WWOX: variants seen among roughly 807,000 people sequenced by gnomAD.
WWOX encodes the protein WW domain containing oxidoreductase, also known as WW domain-containing oxidoreductase.
WWOX carries 69 observed loss-of-function variants against 46.2 expected under a neutral mutation model. The ratio of observed to expected loss-of-function variants is 1.49; its 90% CI spans 1.23 to 1.82. WWOX has a LOEUF of 1.82. WWOX is among the 40% of genes most tolerant of loss of function. The pLI is 0.00. For missense variants in WWOX, 919 were observed against 542.6 expected (o/e 1.69, Z -6.89); for synonymous variants, 359 against 202.6 (o/e 1.77, Z -6.56).
chr16:78,422,686 C>T (rs201664798), intron 6 of WWOX, among the ~76,000 whole-genome samples: 10,375 of 23,330 alleles, frequency 0.44, 1,740 homozygotes, highest in African/African-American at 0.54. Context: ...TATATATATA[C>T]ACACACACAC....
chr16:78,248,699 G>A (rs536677271), intron 5 of WWOX, among the ~76,000 whole-genome samples: 57 of 152,082 alleles, frequency 3.7e-4, no homozygotes, highest in African/African-American at 1.3e-3. Flanking sequence ...TCGCACCACT[G>A]TACTCCAGCC....
intron 8 of WWOX, among the ~76,000 whole-genome samples, chr16:78,442,455 C>T (rs935172068): frequency 1.3e-5 from 2 of 152,130 alleles, no homozygotes; most frequent in Non-Finnish European, 2.9e-5. Flanking sequence ...TCCCACTTCC[C>T]CACTACCAGC....
At chr16:79,104,858 G>T (rs4888927) in intron 8 of WWOX, among the ~76,000 whole-genome samples, 3 of 151,836 alleles carry the variant, frequency 2.0e-5, no homozygotes, top group Admixed American at 6.6e-5. Context: ...TTGACCAAAG[G>T]TGTCCAAACC....
intron 5 of WWOX, among the ~76,000 whole-genome samples, chr16:78,196,487 G>T (rs1384964988): frequency 6.6e-6 from 1 of 152,142 alleles, no homozygotes; most frequent in African/African-American, 2.4e-5. Flanking sequence ...ATGCAAATAA[G>T]CTACTTTGTA....
intron 8 of WWOX, among the ~76,000 whole-genome samples, chr16:78,954,471 A>G (rs1199705317): frequency 1.3e-5 from 2 of 152,192 alleles, no homozygotes; most frequent in South Asian, 4.1e-4. Flanking sequence ...AAACTTTTAT[A>G]TTTTACTAAA....
chr16:78,355,680 T>A, intron 5 of WWOX: 1 of 735,578 alleles, frequency 1.4e-6, no homozygotes. Flanking sequence ...CATTTAAATA[T>A]GATCTTGGGA....
At chr16:78,425,174 T>C in intron 7 of WWOX, 119 bp downstream of exon 7, 1 of 1,336,172 alleles carries the variant, frequency 7.5e-7, no homozygotes, top group East Asian at 2.4e-5. Flanking sequence ...GTGGGTGGAC[T>C]CAGCTTGGCT....
intron 8 of WWOX, among the ~76,000 whole-genome samples, chr16:79,070,765 C>A (rs530425251): frequency 6.6e-6 from 1 of 152,298 alleles, no homozygotes; most frequent in East Asian, 1.9e-4. Context: ...CCTCTTTTAA[C>A]ATTTGATTTG....
At chr16:79,202,764 G>C (rs1290222158) in intron 8 of WWOX, 1 of 152,124 alleles carries the variant, frequency 6.6e-6, no homozygotes, top group East Asian at 1.9e-4. Context: ...TGCATAGCTT[G>C]TTAGTATTTA....
intron 8 of WWOX, among the ~76,000 whole-genome samples, chr16:79,012,827 C>G (rs1002053316): frequency 1.3e-5 from 2 of 152,226 alleles, no homozygotes; most frequent in African/African-American, 4.8e-5. Context: ...GACTCCTGCC[C>G]CACCAACATG....
At position 78,676,801 on chromosome 16, in the gene WWOX, C is replaced by A. The variant is rs189543588; in HGVS notation, c.1056+244049C>A. Among the ~76,000 whole-genome samples the A allele has an allele frequency of 5.4e-4, 82 of 152,228 alleles. 2 individuals are homozygous for A. In the East Asian group the frequency reaches 7.3e-3, roughly 14 times the overall value. ...AAGTGCTTTGCTCATTCTTTGAATA[C>A]TGATGAACTTTACCTTGATAGGACC... is the stretch of plus-strand genomic sequence containing the variant. On this transcript the variant is annotated intron_variant, in intron 8 of 8. Coordinates refer to ENST00000566780, the MANE Select transcript of WWOX (RefSeq NM_016373.4).
chr16:78,835,921 A>G (rs967034166), intron 8 of WWOX, among the ~76,000 whole-genome samples: 1 of 152,202 alleles, frequency 6.6e-6, no homozygotes, highest in East Asian at 1.9e-4. Context: ...ATCCTCAGAT[A>G]TATTTGAGAC....
At chr16:78,656,629 C>A (rs2047087350) in intron 8 of WWOX, among the ~76,000 whole-genome samples, 1 of 152,120 alleles carries the variant, frequency 6.6e-6, no homozygotes, top group South Asian at 2.1e-4. Flanking sequence ...TCTGATCCAA[C>A]CACCTCCCAC....
In WWOX at chr16:78,856,513, C is replaced by T. The variant is rs535953152; in HGVS notation, c.1057-355095C>T. On this transcript the variant is annotated intron_variant, in intron 8 of 8. Transcript: ENST00000566780. Reference sequence around the variant, plus strand: ...CAAAAATCAGCTGGTTGTGGTGGTACACCCCTGTAATAGCAGCTACTCAGG... The same window carrying T: ...CAAAAATCAGCTGGTTGTGGTGGTATACCCCTGTAATAGCAGCTACTCAGG... Among the ~76,000 whole-genome samples, 4 of 152,192 alleles carry T rather than the reference C, an allele frequency of 2.6e-5. No homozygotes were observed. In the South Asian group the frequency reaches 8.3e-4, roughly 32 times the overall value.
chr16:78,797,653 T>G (rs145879631), intron 8 of WWOX, among the ~76,000 whole-genome samples: 22 of 152,258 alleles, frequency 1.4e-4, no homozygotes, highest in East Asian at 7.8e-4. Context: ...CAAGGAACTA[T>G]GATAAGTAGC....
At chr16:78,888,476 T>C (rs1029313242) in intron 8 of WWOX, among the ~76,000 whole-genome samples, 2 of 152,184 alleles carry the variant, frequency 1.3e-5, no homozygotes, top group Non-Finnish European at 2.9e-5. Flanking sequence ...TAGGTGCTAT[T>C]AGCTGGTGCT....
chr16:78,350,615 T>A (rs2081166803), intron 5 of WWOX, among the ~76,000 whole-genome samples: 1 of 121,538 alleles, frequency 8.2e-6, no homozygotes, highest in Non-Finnish European at 2.0e-5. Flanking sequence ...GGGTCATTCA[T>A]GTTGTAGCAT....
At chr16:78,979,131 C>G (rs1217588795) in intron 8 of WWOX, among the ~76,000 whole-genome samples, 2 of 148,962 alleles carry the variant, frequency 1.3e-5, no homozygotes, top group Non-Finnish European at 3.0e-5. Flanking sequence ...ATATATTTTC[C>G]TCTCGAATAT....
chr16:78,963,786 A>G (rs1213124947), intron 8 of WWOX, among the ~76,000 whole-genome samples: 1 of 152,198 alleles, frequency 6.6e-6, no homozygotes, highest in Non-Finnish European at 1.5e-5. Context: ...ACTTGCTGAT[A>G]TGCTTTGGCT....
Sources: gnomAD v4.1 joint callset for allele counts (sites outside exome capture counted in the v4.1 genomes callset) on GRCh38, gnomAD v4.1.1 for gene constraint, MANE v1.5 for transcripts, NCBI Gene and HGNC (gene_info 2026-07-23, HGNC 2026-07-21) for gene names.